The following NELL1 variants were observed in gnomAD, a reference collection of about 807,000 sequenced individuals.
The protein encoded by NELL1 is protein kinase C-binding protein NELL1.
In NELL1, 76 loss-of-function variants were observed where a neutral mutation model predicts 107.4. That is an observed-to-expected ratio of 0.71 (90% CI 0.59 to 0.86). The LOEUF (loss-of-function observed/expected upper bound fraction) is 0.86. Ranked by LOEUF, NELL1 falls within the 40% of genes least tolerant of loss-of-function variation. The probability of loss-of-function intolerance (pLI) is 0.00; values close to 1 mark genes in which losing one functional copy is unlikely to be tolerated. For synonymous variants in NELL1, 353 were observed against 341.2 expected, an observed-to-expected ratio of 1.03 and a Z score of -0.38; for missense variants, 1,024 against 1,005.5, an observed-to-expected ratio of 1.02 and a Z score of -0.25.
At chr11:21,568,987 T>C (rs1335469690) in intron 17 of NELL1, among the ~76,000 whole-genome samples, 1 of 151,774 alleles carries the variant, frequency 6.6e-6, no homozygotes, top group African/African-American at 2.4e-5. Flanking sequence ...CAGTATGTAC[T>C]ATAAATGACT....
At chr11:21,473,366 G>C (rs765217002) in intron 15 of NELL1, among the ~76,000 whole-genome samples, 1 of 151,892 alleles carries the variant, frequency 6.6e-6, no homozygotes, top group Non-Finnish European at 1.5e-5. Context: ...AAACTCATTT[G>C]TTCTGTATTG....
intron 14 of NELL1, among the ~76,000 whole-genome samples, chr11:21,344,749 T>C (rs1850649774): frequency 6.6e-6 from 1 of 152,154 alleles, no homozygotes; most frequent in Admixed American, 6.5e-5. Flanking sequence ...TTTTCTATCT[T>C]TACAATGGGG....
At chr11:20,700,923 G>T (rs767966219) in intron 2 of NELL1, among the ~76,000 whole-genome samples, 1 of 152,110 alleles carries the variant, frequency 6.6e-6, no homozygotes. Context: ...GGACATTTGG[G>T]TCAGTTCCAA....
intron 15 of NELL1, among the ~76,000 whole-genome samples, chr11:21,433,601 G>GT (rs906754797): frequency 1.3e-5 from 2 of 152,012 alleles, no homozygotes; most frequent in African/African-American, 4.8e-5. Context: ...CCTTATTATG[G>GT]TTTTTTGTTT....
chr11:21,121,604 G>A (rs1273099628), intron 13 of NELL1, among the ~76,000 whole-genome samples: 2 of 152,022 alleles, frequency 1.3e-5, no homozygotes, highest in Non-Finnish European at 2.9e-5. Flanking sequence ...ATGGAAGTGG[G>A]GAACACTTAA....
At chr11:20,890,051 G>A (rs1410378134) in intron 5 of NELL1, among the ~76,000 whole-genome samples, 2 of 152,150 alleles carry the variant, frequency 1.3e-5, no homozygotes, top group East Asian at 1.9e-4. Flanking sequence ...CCAACTGAGT[G>A]AGACCCTCCA....
intron 5 of NELL1, among the ~76,000 whole-genome samples, chr11:20,895,439 C>T (rs1032348281): frequency 2.7e-5 from 4 of 150,688 alleles, no homozygotes; most frequent in Non-Finnish European, 5.9e-5. Flanking sequence ...TCTATCTTTC[C>T]ACTCTCTAGC....
At chr11:20,762,445 A>C (rs1856441996) in intron 2 of NELL1, among the ~76,000 whole-genome samples, 1 of 152,228 alleles carries the variant, frequency 6.6e-6, no homozygotes. Flanking sequence ...GCCTGGATGA[A>C]ATAAGAAAAG....
intron 13 of NELL1, among the ~76,000 whole-genome samples, chr11:21,157,293 G>C (rs1271956816): frequency 6.6e-6 from 1 of 151,762 alleles, no homozygotes; most frequent in Non-Finnish European, 1.5e-5. Flanking sequence ...CACTCAATCT[G>C]ATTATCTCTA....
At chr11:21,162,503 TG>T (rs1164863441) in intron 13 of NELL1, among the ~76,000 whole-genome samples, 15 of 151,924 alleles carry the variant, frequency 9.9e-5, no homozygotes, top group African/African-American at 3.6e-4. Context: ...TGTCTTAGAG[TG>T]GTATAGTGTA....
At chr11:21,568,708 A>G (rs960983723) in intron 17 of NELL1, among the ~76,000 whole-genome samples, 9 of 151,686 alleles carry the variant, frequency 5.9e-5, no homozygotes, top group African/African-American at 2.2e-4. Context: ...GGTCAGGATT[A>G]TCAATATCAC....
intron 14 of NELL1, among the ~76,000 whole-genome samples, chr11:21,274,467 A>G (rs1848810051): frequency 6.6e-6 from 1 of 152,190 alleles, no homozygotes; most frequent in African/African-American, 2.4e-5. Flanking sequence ...TTAACACCCC[A>G]CTGTCAACAT....
At chr11:21,555,473 T>C (rs532244582) in intron 16 of NELL1, among the ~76,000 whole-genome samples, 1 of 151,888 alleles carries the variant, frequency 6.6e-6, no homozygotes, top group South Asian at 2.1e-4. Flanking sequence ...GGAAATAAAA[T>C]CTGGATCAAG....
chr11:20,999,759 A>T (rs1417348587), intron 12 of NELL1, among the ~76,000 whole-genome samples: 1 of 150,278 alleles, frequency 6.7e-6, no homozygotes, highest in Non-Finnish European at 1.5e-5. Context: ...GAGTCTTCCA[A>T]CTTTAAAAGG....
In NELL1 at chr11:21,138,347, A is replaced by G. The variant is rs1303832345; in HGVS notation, c.1426+24633A>G. ...TGACACTCATAATGATATATTTATT[A>G]CCTCATGTTCATTTCCACAGCAATA... On this transcript the variant is annotated intron_variant, in intron 13 of 19. Transcript: ENST00000357134. Among the ~76,000 whole-genome samples, 52 of 152,194 alleles carry G rather than the reference A, an allele frequency of 3.4e-4. 1 individual carries two copies. Among genetic ancestry groups the G allele is most frequent in the Admixed American group, 3.4e-3 (52 of 15,284 alleles).
Position 21,573,236 on chromosome 11 carries a change from T to G in NELL1, c.2209T>G (p.Tyr737Asp), listed in dbSNP as rs1387898513. 6.2e-7 allele frequency: 1 copy of G among 1,612,226 alleles called. No individual in the cohort carries two copies. The highest frequency in any genetic ancestry group is 1.7e-5 in the Admixed American group (1 of 59,812). The change falls in exon 19 of 20, where the codon TAT becomes GAT. Residue 737 changes from tyrosine (Y) to aspartate (D), a missense_variant. Physicochemically the swap from Tyr to Asp is radical, Grantham distance 160. Coordinates refer to ENST00000357134, the MANE Select transcript of NELL1 (RefSeq NM_006157.5). ...CACTTGCCCCAACTTGAGCTGTGAG[T>G]ATACAGCTATCTTAGAAGGGGAATG... is the stretch of plus-strand genomic sequence containing the variant. ...PLTCPNLSCE[Y>D]TAILEGECCP...
Position 21,414,395 on chromosome 11 carries a change from AT to A in NELL1, c.1645+43448del, listed in dbSNP as rs1852452916. ...GAAGTTGTGAATAATATCTTCAAAAATATTTGCATATGTGTATATACATTAT... is the reference window on the plus strand; with the variant it reads ...GAAGTTGTGAATAATATCTTCAAAAAATTTGCATATGTGTATATACATTAT... On this transcript the variant is annotated intron_variant, in intron 15 of 19. Transcript: ENST00000357134. Among the ~76,000 whole-genome samples the A allele has an allele frequency of 2.0e-5, 3 of 152,076 alleles. 1 individual carries two copies. In the South Asian group the frequency reaches 6.2e-4, roughly 31 times the overall value.
chr11:20,705,607 A>T (rs1419248233), intron 2 of NELL1, among the ~76,000 whole-genome samples: 1 of 142,502 alleles, frequency 7.0e-6, no homozygotes, highest in Non-Finnish European at 1.5e-5. Context: ...AGGCGTGGGC[A>T]AGGACTTCCT....
chr11:21,084,883 A>G (rs1034754480), intron 12 of NELL1, among the ~76,000 whole-genome samples: 2 of 152,158 alleles, frequency 1.3e-5, no homozygotes, highest in African/African-American at 4.8e-5. Flanking sequence ...TTAAGCGCAC[A>G]TCCTCCAGAA....
Sources: allele counts gnomAD v4.1 joint callset (sites outside exome capture counted in the v4.1 genomes callset), GRCh38; gene constraint gnomAD v4.1.1; transcripts MANE v1.5; gene names NCBI Gene and HGNC (gene_info 2026-07-23, HGNC 2026-07-21).